AGBL3: variants seen among roughly 807,000 people sequenced by gnomAD.
AGBL3 encodes the protein cytosolic carboxypeptidase 3.
Under a neutral mutation model 94.5 loss-of-function variants are expected in AGBL3, and 68 were observed. That is an observed-to-expected ratio of 0.72 (90% confidence interval 0.59 to 0.88). The LOEUF (loss-of-function observed/expected upper bound fraction) is 0.88, where lower values mean the gene tolerates loss of function less well. Among genes scored for constraint, AGBL3 ranks in the 40% least tolerant of loss-of-function variants. AGBL3 has a pLI of 0.00. For missense variants in AGBL3, 934 were observed against 1,103.8 expected (o/e 0.85, Z 2.18); for synonymous variants, 354 against 370.7 (o/e 0.95, Z 0.52).
At chr7:135,126,185 T>C (rs1355191679) in intron 16 of AGBL3, among the ~76,000 whole-genome samples, 1 of 152,184 alleles carries the variant, frequency 6.6e-6, no homozygotes, top group East Asian at 1.9e-4. Flanking sequence ...GATAAGCAAC[T>C]TCAGCAAAGT....
At chr7:135,048,496 TTTCCATTTATTTCAGTC>T (rs958375649) in intron 11 of AGBL3, among the ~76,000 whole-genome samples, 49 of 151,986 alleles carry the variant, frequency 3.2e-4, no homozygotes, top group African/African-American at 1.1e-3. Flanking sequence ...AGGGGATGTC[TTTCCATTTATTTCAGTC>T]TTCTTTAATT....
At position 134,987,895 on chromosome 7, in the gene AGBL3, C is replaced by G. The variant is rs1318087757; in HGVS notation, c.-39C>G. The G allele has an allele frequency of 6.9e-7, 1 of 1,459,476 alleles. No individual in the cohort carries two copies. The highest frequency in any genetic ancestry group is 1.4e-5 in the African/African-American group (1 of 70,628). 90.4% of individuals were successfully genotyped at this position (1,459,476 alleles called of 1,614,324 possible). On this transcript the variant is annotated 5_prime_UTR_variant, in exon 2 of 17. Coordinates refer to ENST00000436302, the MANE Select transcript of AGBL3 (RefSeq NM_178563.4). ...CTTAGAAATTGTTTTACAGCCTACC[C>G]GTATATTACAAGAAATCTCAAGTCA...
rs58038162 is a variant in AGBL3 at position 135,096,540 on chromosome 7, AAAAGAAAG to A, written c.2110+14764_2110+14771del. On this transcript the variant is annotated intron_variant, in intron 15 of 16. Coordinates refer to ENST00000436302, the MANE Select transcript of AGBL3 (RefSeq NM_178563.4). Reference sequence around the variant, plus strand: ...AGAAAAAGAGAAAAAAACAAAAAGAAAAAGAAAGAAAGAAAGAAAGATAGATAGATAGA... The same window carrying A: ...AGAAAAAGAGAAAAAAACAAAAAGAAAAAGAAAGAAAGATAGATAGATAGA... Among the ~76,000 whole-genome samples, 21 of 64,548 alleles carry A rather than the reference AAAAGAAAG, an allele frequency of 3.3e-4. No individual in the cohort carries two copies. In the East Asian group the frequency reaches 8.5e-3, roughly 26 times the overall value. 42.3% of individuals were successfully genotyped at this position (64,548 alleles called of 152,430 possible). A position where few individuals can be genotyped will look rare whatever the true frequency, so the allele number is the denominator to read the frequency against.
chr7:135,109,670 G>C (rs953278416), intron 15 of AGBL3, among the ~76,000 whole-genome samples: 1 of 152,046 alleles, frequency 6.6e-6, no homozygotes, highest in Non-Finnish European at 1.5e-5. Flanking sequence ...AACACTAGCA[G>C]GGGTATCTGT....
intron 13 of AGBL3, among the ~76,000 whole-genome samples, chr7:135,077,838 A>C (rs754977378): frequency 1.3e-5 from 2 of 152,164 alleles, no homozygotes; most frequent in African/African-American, 2.4e-5. Context: ...GCGGCTGATC[A>C]CCAGTCTCAG....
intron 3 of AGBL3, among the ~76,000 whole-genome samples, chr7:134,990,467 T>C (rs1810094769): frequency 6.6e-6 from 1 of 152,234 alleles, no homozygotes; most frequent in African/African-American, 2.4e-5. Flanking sequence ...ATTATGTGAA[T>C]AGATCAAAAT....
intron 3 of AGBL3, among the ~76,000 whole-genome samples, chr7:134,991,892 C>T (rs1397571616): frequency 1.3e-5 from 2 of 152,282 alleles, no homozygotes; most frequent in East Asian, 3.9e-4. Context: ...TGCATGAGGC[C>T]TGCCATTCAG....
At position 135,080,240 on chromosome 7, in the gene AGBL3, A is replaced by T. The variant is rs1051945232; in HGVS notation, c.2018A>T (p.Gln673Leu). Residue 673 changes from glutamine (Q) to leucine (L), a missense_variant, in exon 14 of 17, where the codon CAA becomes CTA. Gln to Leu is a moderately radical substitution (Grantham distance 113). Coordinates refer to ENST00000436302, the MANE Select transcript of AGBL3 (RefSeq NM_178563.4). ...GGGCATTTGCTGCAAAGACACACACAATCAAATTCTGATGTGAAAGGTAAT... is the reference window on the plus strand; with the variant it reads ...GGGCATTTGCTGCAAAGACACACACTATCAAATTCTGATGTGAAAGGTAAT... ...DRGHLLQRHT[Q>L]SNSDVKDTRP... 8 of 1,549,694 alleles carry T rather than the reference A, an allele frequency of 5.2e-6. No individual in the cohort carries two copies. The Admixed American group carries it at 1.6e-4, about 30-fold the overall frequency.
At chr7:135,099,064 A>G (rs1195204111) in intron 15 of AGBL3, among the ~76,000 whole-genome samples, 2 of 152,198 alleles carry the variant, frequency 1.3e-5, no homozygotes, top group Non-Finnish European at 2.9e-5. Flanking sequence ...TGTAACAGCA[A>G]AGTAAATAAT....
chr7:135,130,440 G>A (rs1406160188), intron 16 of AGBL3, among the ~76,000 whole-genome samples: 2 of 152,084 alleles, frequency 1.3e-5, no homozygotes, highest in Non-Finnish European at 2.9e-5. Context: ...TTTCCTGGGT[G>A]TTAGAGCCTA....
chr7:135,088,209 G>C (rs1450496069), intron 15 of AGBL3, among the ~76,000 whole-genome samples: 3 of 151,900 alleles, frequency 2.0e-5, no homozygotes, highest in Non-Finnish European at 2.9e-5. Context: ...GTGTCTTTAT[G>C]GTGAAATAAG....
chr7:135,034,151 C>G lies in AGBL3; in HGVS notation c.560C>G (p.Ala187Gly). The G allele has an allele frequency of 2.0e-6, 3 of 1,524,780 alleles. No homozygotes were observed. The highest frequency in any genetic ancestry group is 1.4e-5 in the African/African-American group (1 of 72,550). 94.5% of individuals were successfully genotyped at this position (1,524,780 alleles called of 1,614,324 possible). A position where few individuals can be genotyped will look rare whatever the true frequency, so the allele number is the denominator to read the frequency against. ...TCCCTTTCTTTCTTGTGTATTAGGG[C>G]AGAATACGAATACCAATTGACTGTA... ...SGNLQKVVKV[A>G]EYEYQLTVRP... The change falls in exon 7 of 17, where the codon GCA (alanine) becomes GGA (glycine). Residue 187 changes from alanine to glycine, a missense_variant and splice_region_variant. By Grantham distance (60) the Ala-to-Gly change is moderately conservative. This residue lies in a region of AGBL3 where 488 missense variants were observed against 563.6 expected (regional missense o/e 0.87). Transcript: ENST00000436302.
intron 5 of AGBL3, among the ~76,000 whole-genome samples, chr7:135,025,206 TAAAGGCAGCGAGAGAG>T (rs1243146188): frequency 5.9e-5 from 9 of 151,470 alleles, no homozygotes; most frequent in Non-Finnish European, 1.2e-4. Context: ...GAAAAAATCT[TAAAGGCAGCGAGAGAG>T]AAGGGTGAAG....
At chr7:135,086,768 C>T (rs562897414) in intron 15 of AGBL3, among the ~76,000 whole-genome samples, 28 of 151,824 alleles carry the variant, frequency 1.8e-4, no homozygotes, top group Non-Finnish European at 4.1e-4. Flanking sequence ...AGGACTTTTA[C>T]GTCTTTATTT....
intron 7 of AGBL3, among the ~76,000 whole-genome samples, chr7:135,035,689 C>G (rs2348052): frequency 0.93 from 141,639 of 152,208 alleles, 66,690 homozygotes; most frequent in Non-Finnish European, 1. Flanking sequence ...TCAAATTAAT[C>G]TAAGATGAGA....
rs1034905927 is a variant in AGBL3 at position 135,119,813 on chromosome 7, C to T, written c.2342+4202C>T. ...AATGGCATGAACCTGGGAGGCAGAG[C>T]TTGCAGTGAGCCAAGATCGTGCCAC... On this transcript the variant is annotated intron_variant, in intron 16 of 16. Transcript: ENST00000436302. 2.0e-5 allele frequency among the ~76,000 whole-genome samples: 3 copies of T among 152,118 alleles called. No individual in the cohort carries two copies. In the East Asian group the frequency reaches 5.8e-4, roughly 30 times the overall value.
chr7:135,128,291 CAAAAAAAAAAAAAAAAA>C (rs61217008), intron 16 of AGBL3, among the ~76,000 whole-genome samples: 2 of 58,070 alleles, frequency 3.4e-5, no homozygotes, highest in Non-Finnish European at 5.5e-5. Flanking sequence ...GACTCCATCT[CAAAAAAAAAAAAAAAAA>C]AAAAAAAAAA....
intron 15 of AGBL3, among the ~76,000 whole-genome samples, chr7:135,097,990 T>C (rs1029558017): frequency 1.2e-4 from 18 of 152,170 alleles, no homozygotes; most frequent in Non-Finnish European, 2.6e-4. Flanking sequence ...TAACTTATAA[T>C]GACATTCAAT....
intron 4 of AGBL3, chr7:134,995,245 C>T (rs775193747): frequency 1.6e-4 from 24 of 152,150 alleles, no homozygotes; most frequent in Admixed American, 1.3e-4. Flanking sequence ...AGAAGAGACC[C>T]AAAAGGAAGA....
Sources: allele counts gnomAD v4.1 joint callset (sites outside exome capture counted in the v4.1 genomes callset), GRCh38; gene constraint gnomAD v4.1.1; regional missense constraint gnomAD v4.1.1; transcripts MANE v1.5; gene names NCBI Gene and HGNC (gene_info 2026-07-23, HGNC 2026-07-21).